Variants in LRRC43 observed in about 807,000 individuals in gnomAD.
LRRC43 encodes leucine rich repeat containing 43, also known as leucine-rich repeat-containing protein 43.
A neutral mutation model predicts 64.3 loss-of-function variants in LRRC43; 62 were observed. That is an observed-to-expected ratio of 0.96 (90% confidence interval 0.79 to 1.19). The LOEUF is 1.19. Among genes scored for constraint, LRRC43 ranks in the 50% most tolerant of loss-of-function variants. The probability of loss-of-function intolerance (pLI) is 0.00; values close to 1 mark genes in which losing one functional copy is unlikely to be tolerated. For missense variants in LRRC43, 868 were observed against 845.0 expected, an observed-to-expected ratio of 1.03 and a Z score of -0.34; for synonymous variants, 422 against 382.3, an observed-to-expected ratio of 1.10 and a Z score of -1.21.
chr12:122,174,178 G>C, intron 1 of LRRC43: 1 of 1,614,156 alleles, frequency 6.2e-7, no homozygotes, highest in South Asian at 1.1e-5. Flanking sequence ...GCCATGGCGA[G>C]AGAGAGCAAG....
chr12:122,179,087 G>A (rs907864458), upstream of LRRC43, among the ~76,000 whole-genome samples: 1 of 152,004 alleles, frequency 6.6e-6, no homozygotes, highest in Admixed American at 6.6e-5. Flanking sequence ...TGGTTGGCTG[G>A]TTTGGTTTGG....
chr12:122,185,019 C>A (rs11059733), intron 2 of LRRC43, among the ~76,000 whole-genome samples: 9,730 of 152,240 alleles, frequency 0.064, 366 homozygotes, highest in South Asian at 0.11. Context: ...CAGCTTCCAC[C>A]CCTGAGTTCT....
chr12:122,172,694 C>A, intron 1 of LRRC43: 2 of 1,614,032 alleles, frequency 1.2e-6, no homozygotes, highest in Non-Finnish European at 1.7e-6. Context: ...GGCTGAGACA[C>A]GGCAGCGTGT....
At chr12:122,183,996 A>T (rs1361424398) in intron 1 of LRRC43, among the ~76,000 whole-genome samples, 1 of 152,118 alleles carries the variant, frequency 6.6e-6, no homozygotes, top group African/African-American at 2.4e-5. Context: ...CTGCCTTTTT[A>T]AAAGGAATGG....
At chr12:122,169,473 T>G (rs940274082) in intron 1 of LRRC43, among the ~76,000 whole-genome samples, 1 of 152,096 alleles carries the variant, frequency 6.6e-6, no homozygotes, top group Non-Finnish European at 1.5e-5. Context: ...TCCAGCACTT[T>G]GGGAGGCCGA....
chr12:122,174,014 G>C, intron 1 of LRRC43: 1 of 1,613,710 alleles, frequency 6.2e-7, no homozygotes, highest in Non-Finnish European at 8.5e-7. Flanking sequence ...ACGATGCCGT[G>C]AGCGCATACA....
intron 4 of LRRC43, among the ~76,000 whole-genome samples, chr12:122,189,914 C>A (rs1190290606): frequency 1.3e-5 from 2 of 152,202 alleles, no homozygotes; most frequent in Non-Finnish European, 2.9e-5. Context: ...CTCTGTGACT[C>A]CAACTGTGAG....
rs548398847 is a variant in LRRC43, at chr12:122,192,379, G to A, written c.1090-366G>A. 9.2e-5 allele frequency among the ~76,000 whole-genome samples: 14 copies of A among 151,882 alleles called. No homozygotes were observed. In the East Asian group the frequency reaches 2.0e-3, roughly 21 times the overall value. On this transcript the variant is annotated intron_variant, in intron 6 of 11. Transcript: ENST00000339777. ...CCTGGATCTCCTGACCTCGTGATCC[G>A]CCTGCCTCGGCCTCCCAAAGTACTG... is the stretch of plus-strand genomic sequence containing the variant.
chr12:122,183,091 GC>G, upstream of LRRC43: 2 of 1,510,284 alleles, frequency 1.3e-6, no homozygotes, highest in African/African-American at 1.4e-5. Context: ...GCCTGGAGAG[GC>G]CCCTGCCCCC....
At chr12:122,181,332 A>T (rs1481797141), upstream of LRRC43, among the ~76,000 whole-genome samples, 2 of 151,958 alleles carry the variant, frequency 1.3e-5, no homozygotes, top group African/African-American at 4.8e-5. Flanking sequence ...TGACGAGGTC[A>T]GGAGATCGAG....
Position 122,191,300 on chromosome 12 carries a change from GT to G in LRRC43, c.902-79del, listed in dbSNP as rs1263126971. On this transcript the variant is annotated intron_variant, in intron 5 of 11. Coordinates refer to ENST00000339777, the MANE Select transcript of LRRC43 (RefSeq NM_001098519.2). The stretch of plus-strand genomic sequence containing the variant: ...AGTGCTGGAGAGAATCTAGGGACCC[GT>G]GCCTTCCCAGCCCTCTTGCTTTCTA... 6.2e-5 allele frequency: 77 copies of G among 1,248,848 alleles called. No homozygotes were observed. In the Middle Eastern group the frequency reaches 1.1e-3, roughly 19 times the overall value. 77.4% of individuals were successfully genotyped at this position (1,248,848 alleles called of 1,614,324 possible).
At chr12:122,199,515 C>T (rs1451901370) in intron 7 of LRRC43, among the ~76,000 whole-genome samples, 1 of 151,514 alleles carries the variant, frequency 6.6e-6, no homozygotes, top group African/African-American at 2.4e-5. Flanking sequence ...ATCTCCTGAC[C>T]TCGTGATCTG....
chr12:122,176,539 T>TGTTTTG (rs60402383), intron 1 of LRRC43, among the ~76,000 whole-genome samples: 9 of 147,030 alleles, frequency 6.1e-5, no homozygotes, highest in Admixed American at 1.4e-4. Flanking sequence ...TGTTTTGTTT[T>TGTTTTG]TTTTTTTGGA....
Position 122,190,117 on chromosome 12 carries a change from G to A in LRRC43, c.663-13G>A. 3.1e-6 allele frequency: 5 copies of A among 1,611,484 alleles called. No individual in the cohort carries two copies. The highest frequency in any genetic ancestry group is 4.2e-6 in the Non-Finnish European group (5 of 1,177,740). On this transcript the variant is annotated splice_polypyrimidine_tract_variant and intron_variant, in intron 4 of 11. Transcript: ENST00000339777. ...GGCTTCTTGACCCCCAGACGGTCCT[G>A]CTCACCTTCCAGGCCCAACCTCGTC... is the stretch of plus-strand genomic sequence containing the variant.
upstream of LRRC43, among the ~76,000 whole-genome samples, chr12:122,179,465 G>T (rs1041464035): frequency 1.3e-5 from 2 of 152,172 alleles, no homozygotes; most frequent in African/African-American, 4.8e-5. Context: ...AAGACACACA[G>T]TAGGCTGTTG....
intron 1 of LRRC43, among the ~76,000 whole-genome samples, chr12:122,173,176 G>T (rs145936284): frequency 6.6e-6 from 1 of 151,966 alleles, no homozygotes; most frequent in Non-Finnish European, 1.5e-5. Context: ...AAGGAGTCCG[G>T]ACCACTCCCT....
chr12:122,189,993 T>A (rs1953695772), intron 4 of LRRC43, 137 bp from the exon 5 acceptor site: 1 of 752,306 alleles, frequency 1.3e-6, no homozygotes, highest in Middle Eastern at 2.8e-4. Context: ...TTAACTTGGG[T>A]CAAGGGTAGG....
intron 1 of LRRC43, among the ~76,000 whole-genome samples, chr12:122,168,627 A>G (rs1370175440): frequency 1.3e-5 from 2 of 152,292 alleles, no homozygotes; most frequent in East Asian, 3.9e-4. Flanking sequence ...ATTTATAGAC[A>G]GTACAGAGAG....
Position 122,183,132 on chromosome 12 carries a change from C to G in LRRC43, c.-13C>G, listed in dbSNP as rs1953597658. 2.6e-6 allele frequency: 4 copies of G among 1,533,920 alleles called. No individual in the cohort carries two copies. The East Asian group carries it at 1.0e-4, about 39-fold the overall frequency. ...ACGCGTCCTAGCGGTTGCCGGGCAA[C>G]GCGGCCCGGGCCATGGAGGCGTCGT... is the stretch of plus-strand genomic sequence containing the variant. On this transcript the variant is annotated 5_prime_UTR_variant, in exon 1 of 12. Coordinates refer to ENST00000339777, the MANE Select transcript of LRRC43 (RefSeq NM_001098519.2).
Sources: gnomAD v4.1 joint callset for allele counts (sites outside exome capture counted in the v4.1 genomes callset) on GRCh38, gnomAD v4.1.1 for gene constraint, MANE v1.5 for transcripts, NCBI Gene and HGNC (gene_info 2026-07-23, HGNC 2026-07-21) for gene names.